The following DCST1 variants were observed in gnomAD, a reference collection of about 807,000 sequenced individuals.
The protein encoded by DCST1 is DC-STAMP domain containing 1, also known as E3 ubiquitin-protein ligase DCST1.
A neutral mutation model predicts 89.1 loss-of-function variants in DCST1; 78 were observed. The observed-to-expected ratio is 0.88, with a 90% CI of 0.73 to 1.06. DCST1 has a LOEUF of 1.06. Among genes scored for constraint, DCST1 ranks in the 50% least tolerant of loss-of-function variants. The pLI, the probability that DCST1 is intolerant of heterozygous loss-of-function variation, is 0.00. For missense variants in DCST1, 900 were observed against 928.6 expected (o/e 0.97, Z 0.40); for synonymous variants, 364 against 371.9 (o/e 0.98, Z 0.24).
chr1:155,047,432 G>T (rs550773954), intron 14 of DCST1, 120 bp downstream of exon 14: 2 of 886,618 alleles, frequency 2.3e-6, no homozygotes, highest in Non-Finnish European at 3.5e-6. Context: ...GGGTTGGAGC[G>T]CTTGAGCTGG....
chr1:155,047,707 A>T, intron 14 of DCST1, 80 bp from the exon 15 acceptor site: 2 of 1,324,922 alleles, frequency 1.5e-6, no homozygotes, highest in Non-Finnish European at 2.1e-6. Flanking sequence ...TGCACCTCCC[A>T]CTGGGATGGG....
At chr1:155,045,389 G>T in intron 10 of DCST1, 1 of 195,252 alleles carries the variant, frequency 5.1e-6, no homozygotes, top group Admixed American at 5.4e-5. Flanking sequence ...GGGTGTATTG[G>T]GGGAGGATGG....
chr1:155,036,725 C>T (rs1037453412), intron 4 of DCST1, among the ~76,000 whole-genome samples: 2 of 152,262 alleles, frequency 1.3e-5, no homozygotes, highest in African/African-American at 4.8e-5. Context: ...CCCTGGCTGT[C>T]CCAGTAGGCC....
Position 155,047,078 on chromosome 1 carries a change from A to G in DCST1, c.1496-118A>G, listed in dbSNP as rs1426185714. The stretch of plus-strand genomic sequence containing the variant: ...GGTTAGGATTCAGGAAGGGACAGAA[A>G]GACTCAGGCAGCTGAGAAGCATTTC... On this transcript the variant is annotated intron_variant, in intron 13 of 16. Coordinates refer to ENST00000295542, the MANE Select transcript of DCST1 (RefSeq NM_152494.4). The G allele has an allele frequency of 3.5e-6, 3 of 858,262 alleles. No homozygotes were observed. The Admixed American group carries it at 5.2e-5, about 15-fold the overall frequency. The allele number at this position is 858,262 out of a possible 1,614,324, so 53.2% of individuals were successfully genotyped here.
chr1:155,037,853 T>C (rs1379541005), intron 4 of DCST1, among the ~76,000 whole-genome samples: 1 of 152,240 alleles, frequency 6.6e-6, no homozygotes, highest in Non-Finnish European at 1.5e-5. Context: ...CATTAGAACA[T>C]AGGGCAACTA....
rs759735870 is a variant in DCST1, at chr1:155,041,598, A to G, written c.733A>G (p.Lys245Glu). ...STQKMYELKT[K>E]LRCSYVVNQA... ...ACAGAAGATGTATGAGCTGAAGACC[A>G]AGCTGCGTTGCTCCTGTGAGGGGTA... is the stretch of plus-strand genomic sequence containing the variant. Residue 245 changes from lysine to glutamate, a missense_variant, in exon 7 of 17, where the codon AAG (lysine) becomes GAG (glutamate). Physicochemically the swap from Lys to Glu is moderately conservative, Grantham distance 56. Transcript: ENST00000295542. 4 of 1,614,038 alleles carry G rather than the reference A, an allele frequency of 2.5e-6. No individual in the cohort carries two copies. The African/African-American group carries it at 5.3e-5, about 22-fold the overall frequency.
chr1:155,033,923 G>A (rs1434040863), intron 1 of DCST1, 49 bp from the exon 2 acceptor site: 10 of 1,430,562 alleles, frequency 7.0e-6, no homozygotes, highest in South Asian at 4.8e-5. Context: ...TCAGGCCTAG[G>A]CTTCCCATGA....
intron 13 of DCST1, 106 bp from the exon 14 acceptor site, chr1:155,047,090 C>A: frequency 1.1e-6 from 1 of 911,970 alleles, no homozygotes; most frequent in Non-Finnish European, 1.8e-6. Context: ...ACTCAGGCAG[C>A]TGAGAAGCAT....
intron 16 of DCST1, chr1:155,048,916 A>T: frequency 6.0e-6 from 4 of 666,508 alleles, no homozygotes; most frequent in Non-Finnish European, 8.4e-6. Context: ...ATGCAGGGGC[A>T]CATGGTAAGG....
chr1:155,047,503 A>G lies in DCST1; in HGVS notation c.1612+191A>G, dbSNP rs112654297. ...GAAAAAGGGGAGCATGACCAGCTTC[A>G]GTCAGAGGAGTCTGGAGGCCAGGGT... On this transcript the variant is annotated intron_variant, in intron 14 of 16. Transcript: ENST00000295542. Among the ~76,000 whole-genome samples the G allele has an allele frequency of 1.9e-3, 284 of 152,358 alleles. 3 individuals are homozygous for G. Among genetic ancestry groups the G allele is most frequent in the African/African-American group, 6.6e-3 (273 of 41,582 alleles).
chr1:155,033,999 G>A lies in DCST1; in HGVS notation c.-38G>A, dbSNP rs1349642492. ...CCTTGTGTCCAAGGAGGTCCTTCAGGAGACCTGGGATGAGTGGTGCTTCCC... is the reference window on the plus strand; with the variant it reads ...CCTTGTGTCCAAGGAGGTCCTTCAGAAGACCTGGGATGAGTGGTGCTTCCC... On this transcript the variant is annotated 5_prime_UTR_variant, in exon 2 of 17. Coordinates refer to ENST00000295542, the MANE Select transcript of DCST1 (RefSeq NM_152494.4). 4.3e-6 allele frequency: 7 copies of A among 1,613,444 alleles called. No individual in the cohort carries two copies. Among genetic ancestry groups the A allele is most frequent in the Non-Finnish European group, 5.9e-6 (7 of 1,179,590 alleles).
At chr1:155,040,358 T>G (rs538473960) in intron 5 of DCST1, 127 bp from the exon 6 acceptor site, 27 of 1,001,854 alleles carry the variant, frequency 2.7e-5, no homozygotes, top group Non-Finnish European at 3.5e-5. Context: ...AGTTGACCTT[T>G]CATAGGCTCT....
chr1:155,046,034 G>A, intron 11 of DCST1, 42 bp downstream of exon 11: 2 of 1,613,168 alleles, frequency 1.2e-6, no homozygotes, highest in Non-Finnish European at 1.7e-6. Context: ...TTGCTGCTGT[G>A]TGCCCTGTGT....
upstream of DCST1, chr1:155,033,823 T>C (rs1375462852): frequency 6.9e-7 from 1 of 1,452,236 alleles, no homozygotes; most frequent in Non-Finnish European, 9.3e-7. Context: ...TTGGAATCCT[T>C]GACCCAGTTC....
In DCST1 at chr1:155,041,409, T is replaced by C. The variant is rs774256723; in HGVS notation, c.544T>C (p.Leu182=). Residue 182 remains leucine, a synonymous_variant, in exon 7 of 17, where the codon TTG becomes CTG. Coordinates refer to ENST00000295542, the MANE Select transcript of DCST1 (RefSeq NM_152494.4). The stretch of plus-strand genomic sequence containing the variant: ...CCTCCAATCCCAGAGTAGCAAAGAA[T>C]TGCTGAGAGCAGAGACTCGGAACAT... ...MFKDLLSSKE[L]LRAETRNISA... The C allele has an allele frequency of 8.1e-6, 13 of 1,613,532 alleles. No individual in the cohort carries two copies. The highest frequency in any genetic ancestry group is 9.3e-6 in the Non-Finnish European group (11 of 1,180,002).
At chr1:155,045,853 C>A in intron 10 of DCST1, 40 bp from the exon 11 acceptor site, 1 of 1,557,852 alleles carries the variant, frequency 6.4e-7, no homozygotes, top group Non-Finnish European at 8.9e-7. Flanking sequence ...ATGAGGAGAA[C>A]CTGGAAGAGA....
At chr1:155,040,661 T>C in intron 6 of DCST1, 37 bp downstream of exon 6, 1 of 1,522,888 alleles carries the variant, frequency 6.6e-7, no homozygotes, top group Non-Finnish European at 8.9e-7. Context: ...GGGGGGTCCC[T>C]CTCCCTGGGG....
At chr1:155,040,073 C>T (rs546979858) in intron 5 of DCST1, among the ~76,000 whole-genome samples, 81 of 141,334 alleles carry the variant, frequency 5.7e-4, no homozygotes, top group Middle Eastern at 4.3e-3. Context: ...GAGGCCGAAG[C>T]GGGCGGATCA....
At chr1:155,046,815 A>G (rs1315063313) in intron 13 of DCST1, among the ~76,000 whole-genome samples, 1 of 152,030 alleles carries the variant, frequency 6.6e-6, no homozygotes, top group Non-Finnish European at 1.5e-5. Context: ...CATGTTGGTC[A>G]GGCTGGTCTC....
Sources: allele counts gnomAD v4.1 joint callset (sites outside exome capture counted in the v4.1 genomes callset), GRCh38; gene constraint gnomAD v4.1.1; transcripts MANE v1.5; gene names NCBI Gene and HGNC (gene_info 2026-07-23, HGNC 2026-07-21).